Variants in ERBB4 observed in about 807,000 individuals in gnomAD.
The protein encoded by ERBB4 is receptor tyrosine-protein kinase erbB-4.
In ERBB4, 42 loss-of-function variants were observed where a neutral mutation model predicts 158.0. The ratio of observed to expected loss-of-function variants is 0.27; its 90% CI spans 0.21 to 0.34. The LOEUF (loss-of-function observed/expected upper bound fraction) is 0.34, where lower values mean the gene tolerates loss of function less well. ERBB4 is among the 10% of genes least tolerant of loss of function. The probability of loss-of-function intolerance (pLI) is 1.00; values close to 1 mark genes in which losing one functional copy is unlikely to be tolerated. For missense variants in ERBB4, 1,333 were observed against 1,624.1 expected (o/e 0.82, Z 3.08); for synonymous variants, 583 against 558.7 (o/e 1.04, Z -0.61).
At chr2:211,740,604 ATTAT>A (rs1192041162) in intron 5 of ERBB4, among the ~76,000 whole-genome samples, 1 of 137,178 alleles carries the variant, frequency 7.3e-6, no homozygotes, top group East Asian at 2.0e-4. Flanking sequence ...TGTTTACTTA[ATTAT>A]TTCTTTTCTT....
At chr2:212,346,123 T>C (rs150869863) in intron 1 of ERBB4, among the ~76,000 whole-genome samples, 4 of 152,172 alleles carry the variant, frequency 2.6e-5, no homozygotes, top group Middle Eastern at 3.4e-3. Context: ...CTCTCAGAAG[T>C]AGAGATAACC....
At chr2:211,418,054 G>A (rs910896094) in intron 25 of ERBB4, among the ~76,000 whole-genome samples, 23 of 151,172 alleles carry the variant, frequency 1.5e-4, no homozygotes, top group South Asian at 1.5e-3. Flanking sequence ...TAATTAGTGC[G>A]CAGTGGAGCC....
At chr2:212,286,746 C>T (rs1358326043) in intron 1 of ERBB4, among the ~76,000 whole-genome samples, 5 of 117,318 alleles carry the variant, frequency 4.3e-5, no homozygotes, top group African/African-American at 1.6e-4. Context: ...GGACTATAGG[C>T]GGGTGGCACC....
intron 1 of ERBB4, among the ~76,000 whole-genome samples, chr2:212,474,070 G>A (rs1014220657): frequency 6.6e-6 from 1 of 151,910 alleles, no homozygotes; most frequent in South Asian, 2.1e-4. Context: ...AATAGATAAC[G>A]AACACTTTTT....
chr2:211,787,287 T>A (rs929744135), intron 4 of ERBB4, among the ~76,000 whole-genome samples: 15 of 152,190 alleles, frequency 9.9e-5, no homozygotes, highest in African/African-American at 3.6e-4. Flanking sequence ...GGGGATCACA[T>A]AGCCTGCTTT....
chr2:211,474,760 AG>A, intron 20 of ERBB4, among the ~76,000 whole-genome samples: 1 of 152,214 alleles, frequency 6.6e-6, no homozygotes, highest in Middle Eastern at 3.4e-3. Flanking sequence ...TTATAGGTAA[AG>A]CTTTGGTTTG....
intron 1 of ERBB4, among the ~76,000 whole-genome samples, chr2:212,475,541 G>A (rs765808137): frequency 1.7e-4 from 26 of 151,984 alleles, no homozygotes; most frequent in Admixed American, 4.6e-4. Context: ...AATTAAGCTA[G>A]GTTAAGCACT....
At chr2:212,214,405 G>T (rs1164972956) in intron 1 of ERBB4, among the ~76,000 whole-genome samples, 1 of 151,694 alleles carries the variant, frequency 6.6e-6, no homozygotes, top group East Asian at 1.9e-4. Flanking sequence ...CACAGTTTTA[G>T]AATATATTTT....
intron 1 of ERBB4, among the ~76,000 whole-genome samples, chr2:212,345,212 G>A (rs905135622): frequency 1.5e-5 from 2 of 135,350 alleles, no homozygotes; most frequent in African/African-American, 5.4e-5. Flanking sequence ...CTTGCAGTGA[G>A]CCCAGATTGT....
chr2:211,676,766 T>C (rs554714862), intron 13 of ERBB4, among the ~76,000 whole-genome samples: 2 of 152,338 alleles, frequency 1.3e-5, no homozygotes, highest in Admixed American at 6.5e-5. Flanking sequence ...AAACTTTTAA[T>C]GTAATATTCA....
chr2:211,549,847 T>G (rs1277752212), intron 20 of ERBB4, among the ~76,000 whole-genome samples: 2 of 152,078 alleles, frequency 1.3e-5, no homozygotes, highest in Non-Finnish European at 2.9e-5. Flanking sequence ...AACGACAAAA[T>G]TCACAAAAAT....
At chr2:211,872,810 T>C (rs1286681668) in intron 3 of ERBB4, among the ~76,000 whole-genome samples, 9 of 152,072 alleles carry the variant, frequency 5.9e-5, no homozygotes, top group East Asian at 1.9e-4. Flanking sequence ...TTTACTTTTA[T>C]TGTAAGTGAT....
intron 20 of ERBB4, among the ~76,000 whole-genome samples, chr2:211,450,464 A>C (rs1404282127): frequency 2.0e-5 from 3 of 152,200 alleles, no homozygotes; most frequent in African/African-American, 7.2e-5. Flanking sequence ...GGGTTATTTC[A>C]TACTCTAAGT....
At chr2:211,875,044 A>AAAAAAAAAAAAAAAAC (rs2078460408) in intron 3 of ERBB4, among the ~76,000 whole-genome samples, 3 of 113,968 alleles carry the variant, frequency 2.6e-5, no homozygotes, top group African/African-American at 8.2e-5. Flanking sequence ...AAAAAAAAAA[A>AAAAAAAAAAAAAAAAC]AAAAAACAAA....
At chr2:211,998,202 A>G (rs1291165634) in intron 2 of ERBB4, among the ~76,000 whole-genome samples, 2 of 151,922 alleles carry the variant, frequency 1.3e-5, no homozygotes, top group Non-Finnish European at 2.9e-5. Flanking sequence ...AAATGAAACC[A>G]CCAAGAAACA....
At chr2:212,493,375 TA>T (rs1233977750) in intron 1 of ERBB4, among the ~76,000 whole-genome samples, 1 of 151,476 alleles carries the variant, frequency 6.6e-6, no homozygotes, top group African/African-American at 2.4e-5. Flanking sequence ...GAGATAATAT[TA>T]ACATCATCAA....
At chr2:211,551,052 C>G (rs1315874818) in intron 20 of ERBB4, among the ~76,000 whole-genome samples, 2 of 152,082 alleles carry the variant, frequency 1.3e-5, no homozygotes, top group African/African-American at 4.8e-5. Context: ...CAGTGATCCT[C>G]CCACTTCAGG....
At chr2:211,666,748 T>C (rs1256806072) in intron 14 of ERBB4, among the ~76,000 whole-genome samples, 1 of 152,224 alleles carries the variant, frequency 6.6e-6, no homozygotes, top group Non-Finnish European at 1.5e-5. Flanking sequence ...CACTCCCCTT[T>C]GGAACTTCTT....
intron 3 of ERBB4, among the ~76,000 whole-genome samples, chr2:211,944,225 C>A (rs377592348): frequency 0.017 from 1,914 of 114,698 alleles, 75 homozygotes; most frequent in South Asian, 0.024. Context: ...CACACACACA[C>A]AAAAAAAAAG....
Sources: gnomAD v4.1 joint callset for allele counts (sites outside exome capture counted in the v4.1 genomes callset) on GRCh38, gnomAD v4.1.1 for gene constraint, MANE v1.5 for transcripts, NCBI Gene and HGNC (gene_info 2026-07-23, HGNC 2026-07-21) for gene names.